Variants in SBF2 observed in about 807,000 individuals in gnomAD.
SBF2 encodes the protein myotubularin-related protein 13.
Under a neutral mutation model 225.2 loss-of-function variants are expected in SBF2, and 112 were observed. That is an observed-to-expected ratio of 0.50 (90% CI 0.43 to 0.58). SBF2 has a LOEUF of 0.58. Among genes scored for constraint, SBF2 ranks in the 20% least tolerant of loss-of-function variants. The pLI is 0.00. For synonymous variants in SBF2, 763 were observed against 773.3 expected (o/e 0.99, Z 0.22); for missense variants, 1,996 against 2,206.2 (o/e 0.90, Z 1.91).
intron 17 of SBF2, among the ~76,000 whole-genome samples, chr11:9,874,549 T>C (rs1859057288): frequency 2.0e-5 from 3 of 152,222 alleles, no homozygotes; most frequent in South Asian, 2.1e-4. Flanking sequence ...AAGACTCAAA[T>C]TGTAGGATGC....
chr11:10,036,804 G>A (rs770012978), intron 3 of SBF2, among the ~76,000 whole-genome samples: 12 of 152,082 alleles, frequency 7.9e-5, no homozygotes, highest in South Asian at 2.1e-4. Flanking sequence ...CATCTGAGAC[G>A]CCAAACTGTC....
chr11:10,192,172 T>C (rs1196117751), intron 2 of SBF2, among the ~76,000 whole-genome samples: 1 of 152,158 alleles, frequency 6.6e-6, no homozygotes, highest in African/African-American at 2.4e-5. Context: ...GGCCAATTAC[T>C]GGTATTTGCA....
Position 10,069,617 on chromosome 11 carries a change from C to T in SBF2, c.142-26636G>A, listed in dbSNP as rs1295770826. Among the ~76,000 whole-genome samples the T allele has an allele frequency of 1.1e-4, 17 of 152,304 alleles. No homozygotes were observed. In the South Asian group the frequency reaches 3.5e-3, roughly 32 times the overall value. ...CTGCTGTGAACAGTGCTGCAATAAACATACATGTGCATGTGTCTTTATATT... is the reference window on the plus strand; with the variant it reads ...CTGCTGTGAACAGTGCTGCAATAAATATACATGTGCATGTGTCTTTATATT... On this transcript the variant is annotated intron_variant, in intron 2 of 39. Coordinates refer to ENST00000256190, the MANE Select transcript of SBF2 (RefSeq NM_030962.4).
intron 6 of SBF2, among the ~76,000 whole-genome samples, chr11:10,018,666 C>T (rs1948735421): frequency 6.6e-6 from 1 of 152,158 alleles, no homozygotes; most frequent in South Asian, 2.1e-4. Context: ...TCTGAACTTT[C>T]CTCAGATTAT....
intron 1 of SBF2, among the ~76,000 whole-genome samples, chr11:10,254,939 A>AAAAAAAAAAAAAAT (rs1960737355): frequency 2.6e-5 from 3 of 114,006 alleles, no homozygotes; most frequent in African/African-American, 9.4e-5. Context: ...AAAAAAAAAA[A>AAAAAAAAAAAAAAT]TCCTATTATT....
intron 16 of SBF2, among the ~76,000 whole-genome samples, chr11:9,910,111 C>T (rs573347184): frequency 2.6e-5 from 4 of 152,062 alleles, no homozygotes; most frequent in African/African-American, 7.2e-5. Context: ...GCACAGTCAC[C>T]GAGAAAAAGA....
chr11:9,916,769 G>A (rs191369417), intron 16 of SBF2, among the ~76,000 whole-genome samples: 69 of 151,942 alleles, frequency 4.5e-4, no homozygotes, highest in African/African-American at 1.5e-3. Flanking sequence ...ATTTTTTGTA[G>A]GGATGGGGTC....
At chr11:10,160,622 G>A (rs754620786) in intron 2 of SBF2, among the ~76,000 whole-genome samples, 1 of 152,132 alleles carries the variant, frequency 6.6e-6, no homozygotes, top group Non-Finnish European at 1.5e-5. Context: ...GTATTTTGGA[G>A]ATTGTCCTTA....
intron 16 of SBF2, among the ~76,000 whole-genome samples, chr11:9,922,505 A>G (rs908296705): frequency 2.8e-4 from 43 of 152,200 alleles, no homozygotes; most frequent in African/African-American, 1.0e-3. Context: ...ATTTTTAAGC[A>G]TTATGTTTTG....
chr11:9,921,998 T>C (rs995307407), intron 16 of SBF2, among the ~76,000 whole-genome samples: 37 of 152,156 alleles, frequency 2.4e-4, no homozygotes, highest in Non-Finnish European at 1.9e-4. Context: ...GTAATCCTAG[T>C]ACTTTAGGAG....
chr11:10,295,674 A>G (rs564491676), upstream of SBF2, among the ~76,000 whole-genome samples: 23 of 152,196 alleles, frequency 1.5e-4, no homozygotes, highest in Non-Finnish European at 2.8e-4. Flanking sequence ...GATCACTTTC[A>G]GTAAAAAGTA....
chr11:10,245,230 A>C (rs918467892), intron 1 of SBF2, among the ~76,000 whole-genome samples: 22 of 152,132 alleles, frequency 1.4e-4, no homozygotes, highest in African/African-American at 5.1e-4. Flanking sequence ...AAAAGTGGAA[A>C]ACATTACTCA....
At chr11:10,101,873 A>G (rs1157466160) in intron 2 of SBF2, among the ~76,000 whole-genome samples, 1 of 152,092 alleles carries the variant, frequency 6.6e-6, no homozygotes, top group Non-Finnish European at 1.5e-5. Flanking sequence ...TAGGACCCCT[A>G]TAAGCCTACC....
chr11:9,796,045 AG>A (rs1369332244), intron 32 of SBF2, 88 bp from the exon 33 acceptor site: 151 of 1,297,656 alleles, frequency 1.2e-4, no homozygotes, highest in Admixed American at 1.7e-5. Context: ...TGAAACATGC[AG>A]GAGACCATTC....
chr11:9,845,879 A>C, intron 23 of SBF2, 139 bp from the exon 24 acceptor site: 1 of 731,930 alleles, frequency 1.4e-6, no homozygotes, highest in Admixed American at 2.7e-5. Context: ...TACAATTTTT[A>C]AATTTTTAAA....
At chr11:10,097,719 T>C (rs1411710084) in intron 2 of SBF2, among the ~76,000 whole-genome samples, 2 of 152,048 alleles carry the variant, frequency 1.3e-5, no homozygotes, top group Non-Finnish European at 2.9e-5. Flanking sequence ...AATAAATAGA[T>C]GCATTGAAAA....
intron 2 of SBF2, among the ~76,000 whole-genome samples, chr11:10,092,223 A>C (rs1033780176): frequency 6.6e-6 from 1 of 152,180 alleles, no homozygotes; most frequent in African/African-American, 2.4e-5. Flanking sequence ...TAAGGGTCTC[A>C]GGCCCTAGAA....
At chr11:9,786,807 A>C (rs1590081454) in intron 36 of SBF2, among the ~76,000 whole-genome samples, 1 of 152,222 alleles carries the variant, frequency 6.6e-6, no homozygotes, top group African/African-American at 2.4e-5. Flanking sequence ...ACCCTTCCAC[A>C]TATTATGTGC....
chr11:10,170,277 CTT>C (rs1469261916), intron 2 of SBF2, among the ~76,000 whole-genome samples: 1 of 152,110 alleles, frequency 6.6e-6, no homozygotes, highest in African/African-American at 2.4e-5. Context: ...ACATTTAAGT[CTT>C]TAATCAATTT....
Sources: allele counts gnomAD v4.1 joint callset (sites outside exome capture counted in the v4.1 genomes callset), GRCh38; gene constraint gnomAD v4.1.1; transcripts MANE v1.5; gene names NCBI Gene and HGNC (gene_info 2026-07-23, HGNC 2026-07-21).